BANP: variants seen among roughly 807,000 people sequenced by gnomAD.
BANP encodes the protein protein BANP.
A neutral mutation model predicts 68.1 loss-of-function variants in BANP; 11 were observed. The observed-to-expected ratio is 0.16, with a 90% CI of 0.10 to 0.27. The LOEUF (loss-of-function observed/expected upper bound fraction) is 0.27. Among genes scored for constraint, BANP ranks in the 10% least tolerant of loss-of-function variants. The probability of loss-of-function intolerance (pLI) is 1.00; values close to 1 mark genes in which losing one functional copy is unlikely to be tolerated. For missense variants in BANP, 504 were observed against 722.7 expected (o/e 0.70, Z 3.47); for synonymous variants, 329 against 303.2 (o/e 1.09, Z -0.88).
chr16:88,002,198 T>C lies in BANP; in HGVS notation c.363-2097T>C, dbSNP rs1040647661. Among the ~76,000 whole-genome samples, 3 of 152,100 alleles carry C rather than the reference T, an allele frequency of 2.0e-5. No individual in the cohort carries two copies. Among genetic ancestry groups the C allele is most frequent in the Non-Finnish European group, 4.4e-5 (3 of 68,004 alleles). ...AACTCTGGGTGCTGGGAAACTTGGGTCCCATCGGTAATATGTGGGAGAGGA... is the reference window on the plus strand; with the variant it reads ...AACTCTGGGTGCTGGGAAACTTGGGCCCCATCGGTAATATGTGGGAGAGGA... On this transcript the variant is annotated intron_variant, in intron 4 of 13. Coordinates refer to ENST00000682872, the MANE Select transcript of BANP (RefSeq NM_001386991.1). The surrounding 1 kb of genome is among the most constrained non-coding windows in gnomAD (Gnocchi z 4.6).
chr16:87,975,305 A>C (rs1198966322), intron 2 of BANP, 120 bp downstream of exon 2: 4 of 1,009,118 alleles, frequency 4.0e-6, no homozygotes, highest in Non-Finnish European at 6.1e-6. Flanking sequence ...CTGCGTATGA[A>C]AAGTTTGAAT....
intron 1 of BANP, among the ~76,000 whole-genome samples, chr16:87,965,095 C>T (rs1035394846): frequency 2.0e-5 from 3 of 152,144 alleles, no homozygotes; most frequent in African/African-American, 7.2e-5. Flanking sequence ...AGCAAAGGTT[C>T]CAGGGCCGTG....
At position 88,002,884 on chromosome 16, in the gene BANP, T is replaced by G. The variant is rs2069832966; in HGVS notation, c.363-1411T>G. On this transcript the variant is annotated intron_variant, in intron 4 of 13. Coordinates refer to ENST00000682872, the MANE Select transcript of BANP (RefSeq NM_001386991.1). The surrounding 1 kb of genome is among the most constrained non-coding windows in gnomAD (Gnocchi z 4.6). The stretch of plus-strand genomic sequence containing the variant: ...AGCACCGTCCTTCTTCAGTTGCTCA[T>G]GGGGGGAGAGAATAAATGCATGTGT... Among the ~76,000 whole-genome samples, 3 of 152,114 alleles carry G rather than the reference T, an allele frequency of 2.0e-5. No individual in the cohort carries two copies. The South Asian group carries it at 6.2e-4, about 32-fold the overall frequency.
chr16:87,956,454 C>G (rs754728112), intron 1 of BANP: 15 of 152,232 alleles, frequency 9.9e-5, no homozygotes, highest in Non-Finnish European at 1.9e-4. Flanking sequence ...TCTGAACCAT[C>G]CGGAACTTTG....
At chr16:88,022,673 C>T (rs566668489) in intron 7 of BANP, among the ~76,000 whole-genome samples, 4 of 152,274 alleles carry the variant, frequency 2.6e-5, no homozygotes, top group East Asian at 1.9e-4. Flanking sequence ...CTTGTGTTCT[C>T]GTGCAGGTTT....
chr16:88,017,686 A>G (rs1204097090), intron 6 of BANP, among the ~76,000 whole-genome samples: 1 of 152,132 alleles, frequency 6.6e-6, no homozygotes, highest in African/African-American at 2.4e-5. Flanking sequence ...GTCCCACTCC[A>G]TCGTCACAGG....
chr16:88,020,176 C>G (rs1007432751), intron 7 of BANP, among the ~76,000 whole-genome samples: 1 of 152,194 alleles, frequency 6.6e-6, no homozygotes, highest in African/African-American at 2.4e-5. Context: ...TTCTGAAGGG[C>G]CACACGGCAG....
intron 1 of BANP, among the ~76,000 whole-genome samples, chr16:87,974,784 G>T (rs1306945117): frequency 6.6e-6 from 1 of 152,176 alleles, no homozygotes; most frequent in Non-Finnish European, 1.5e-5. Context: ...GCTTTGGAAG[G>T]GCATGAGGAA....
chr16:88,042,022 A>G (rs1352342549), intron 11 of BANP, among the ~76,000 whole-genome samples: 1 of 152,104 alleles, frequency 6.6e-6, no homozygotes, highest in African/African-American at 2.4e-5. Context: ...GGTGAGAGAC[A>G]CAGTAGGAGG....
At chr16:87,991,183 T>A (rs1161449704) in intron 4 of BANP, among the ~76,000 whole-genome samples, 1 of 152,226 alleles carries the variant, frequency 6.6e-6, no homozygotes, top group Non-Finnish European at 1.5e-5. Context: ...AATCGTATGA[T>A]ACAGTTTACA....
At chr16:87,974,925 T>C (rs927045718) in intron 1 of BANP, 123 bp from the exon 2 acceptor site, 66 of 581,292 alleles carry the variant, frequency 1.1e-4, no homozygotes, top group East Asian at 7.5e-4. Context: ...AGAAGAACCC[T>C]GCATGTAAAA....
chr16:88,075,364 G>A lies in BANP; in HGVS notation c.1522-1226G>A, dbSNP rs555565254. Among the ~76,000 whole-genome samples the A allele has an allele frequency of 3.3e-5, 5 of 152,248 alleles. No homozygotes were observed. In the South Asian group the frequency reaches 6.2e-4, roughly 19 times the overall value. ...CCGTCTCAAAAAAATTTAGCCGGGC[G>A]TGGTGGTGTGCACTGGTGGTCCCAG... On this transcript the variant is annotated intron_variant, in intron 13 of 13. Coordinates refer to ENST00000682872, the MANE Select transcript of BANP (RefSeq NM_001386991.1).
At chr16:88,067,368 C>A (rs1306701266) in intron 12 of BANP, among the ~76,000 whole-genome samples, 1 of 152,136 alleles carries the variant, frequency 6.6e-6, no homozygotes, top group African/African-American at 2.4e-5. Context: ...TTCCCACCTA[C>A]ACCACATCTG....
At chr16:88,053,473 A>G (rs1313117486) in intron 11 of BANP, among the ~76,000 whole-genome samples, 6 of 148,950 alleles carry the variant, frequency 4.0e-5, no homozygotes, top group Non-Finnish European at 7.4e-5. Flanking sequence ...CACCAACACA[A>G]CCACCTTCAC....
intron 13 of BANP, among the ~76,000 whole-genome samples, chr16:88,074,202 A>C (rs145441723): frequency 6.9e-6 from 1 of 145,480 alleles, no homozygotes; most frequent in Non-Finnish European, 1.5e-5. Flanking sequence ...CTCCTTATCC[A>C]CATGAAGCCC....
chr16:88,005,740 T>G (rs2070844740), intron 5 of BANP, among the ~76,000 whole-genome samples: 1 of 152,242 alleles, frequency 6.6e-6, no homozygotes, highest in African/African-American at 2.4e-5. Context: ...TCATTTAGTC[T>G]TCCCTTTAAC....
intron 1 of BANP, among the ~76,000 whole-genome samples, chr16:87,958,444 A>G (rs2058517914): frequency 6.6e-6 from 1 of 151,892 alleles, no homozygotes; most frequent in South Asian, 2.1e-4. Flanking sequence ...CGTGGAAACC[A>G]CTCTTCTGTG....
chr16:88,039,510 AAAGT>A (rs1203867410), intron 11 of BANP, among the ~76,000 whole-genome samples: 2 of 144,408 alleles, frequency 1.4e-5, no homozygotes, highest in Non-Finnish European at 3.1e-5. Flanking sequence ...ATTCCTAGGA[AAAGT>A]AAGGCACGTC....
intron 1 of BANP, 26 bp from the exon 2 acceptor site, chr16:87,975,022 C>G (rs971647365): frequency 3.8e-6 from 4 of 1,060,380 alleles, no homozygotes; most frequent in Non-Finnish European, 5.8e-6. Flanking sequence ...AATGTCCTCT[C>G]CTCCTCCTTT....
Sources: gnomAD v4.1 joint callset for allele counts (sites outside exome capture counted in the v4.1 genomes callset) on GRCh38, gnomAD v4.1.1 for gene constraint, Gnocchi (gnomAD v3.1) non-coding constraint, MANE v1.5 for transcripts, NCBI Gene and HGNC (gene_info 2026-07-23, HGNC 2026-07-21) for gene names.